The following ATG10 variants were observed in gnomAD, a reference collection of about 807,000 sequenced individuals.
ATG10 encodes the protein autophagy related 10.
Under a neutral mutation model 32.1 loss-of-function variants are expected in ATG10, and 30 were observed. The observed-to-expected ratio is 0.94, with a 90% CI of 0.70 to 1.27. ATG10 has a LOEUF of 1.27. ATG10 is among the 50% of genes most tolerant of loss of function. The pLI is 0.00. For missense variants in ATG10, 233 were observed against 262.3 expected (o/e 0.89, Z 0.77); for synonymous variants, 87 against 91.5 (o/e 0.95, Z 0.28).
intron 5 of ATG10, among the ~76,000 whole-genome samples, chr5:82,225,969 C>T (rs941559717): frequency 6.6e-6 from 1 of 152,098 alleles, no homozygotes; most frequent in Non-Finnish European, 1.5e-5. Flanking sequence ...GTGAGTTATA[C>T]GTATTTAACT....
intron 3 of ATG10, among the ~76,000 whole-genome samples, chr5:82,063,228 C>T (rs1023438712): frequency 1.2e-4 from 18 of 152,088 alleles, no homozygotes; most frequent in African/African-American, 2.9e-4. Flanking sequence ...CTGGGACAGA[C>T]GGATTGCATA....
chr5:82,238,774 A>G (rs887600414), intron 5 of ATG10, among the ~76,000 whole-genome samples: 3 of 152,172 alleles, frequency 2.0e-5, no homozygotes, highest in African/African-American at 7.2e-5. Context: ...AAAAAAACAT[A>G]TGGAGTAACA....
chr5:82,047,797 A>G (rs1425134942), intron 2 of ATG10, among the ~76,000 whole-genome samples: 1 of 152,214 alleles, frequency 6.6e-6, no homozygotes, highest in Non-Finnish European at 1.5e-5. Flanking sequence ...AAAAGGGAGT[A>G]GGAATATTGT....
chr5:82,146,385 T>G (rs1390750873), intron 3 of ATG10, among the ~76,000 whole-genome samples: 1 of 152,132 alleles, frequency 6.6e-6, no homozygotes, highest in Admixed American at 6.5e-5. Context: ...AGTTTGATTA[T>G]GATGTGTATA....
intron 5 of ATG10, among the ~76,000 whole-genome samples, chr5:82,182,198 A>C (rs1400783927): frequency 6.6e-6 from 1 of 152,072 alleles, no homozygotes; most frequent in Admixed American, 6.6e-5. Flanking sequence ...CAGATAAGTA[A>C]TTTTTTCTTA....
chr5:82,210,979 C>T (rs1745471414), intron 5 of ATG10, among the ~76,000 whole-genome samples: 1 of 152,056 alleles, frequency 6.6e-6, no homozygotes, highest in Admixed American at 6.5e-5. Context: ...TCTAAGTTTC[C>T]ATGTAATTTG....
At chr5:82,032,369 A>G (rs1762766214) in intron 2 of ATG10, among the ~76,000 whole-genome samples, 1 of 152,100 alleles carries the variant, frequency 6.6e-6, no homozygotes, top group Non-Finnish European at 1.5e-5. Context: ...AGAAAATGTT[A>G]TATTGCCTGC....
intron 5 of ATG10, among the ~76,000 whole-genome samples, chr5:82,208,362 T>C (rs1000993156): frequency 1.3e-5 from 2 of 152,182 alleles, no homozygotes; most frequent in African/African-American, 4.8e-5. Context: ...GGTATTATAA[T>C]AAGTTGGATC....
intron 3 of ATG10, among the ~76,000 whole-genome samples, chr5:82,123,483 A>T (rs371774473): frequency 6.6e-6 from 1 of 152,016 alleles, no homozygotes; most frequent in African/African-American, 2.4e-5. Flanking sequence ...GTTTATCTAT[A>T]TAACAAAACT....
rs888932284 is a variant in ATG10 at position 81,972,127 on chromosome 5, G to A, written c.-192G>A. 3 of 152,240 alleles carry A rather than the reference G, an allele frequency of 2.0e-5. No homozygotes were observed. Among genetic ancestry groups the A allele is most frequent in the Admixed American group, 6.5e-5 (1 of 15,290 alleles). The allele number at this position is 152,240 out of a possible 1,614,324, so 9.4% of individuals were successfully genotyped here. ...CTTCTGGTTGGCCTCGGGGCGCGCT[G>A]GCTCGGCTCTTCCTCCGCCCTCGAG... On this transcript the variant is annotated 5_prime_UTR_variant, in exon 1 of 8. Transcript: ENST00000282185.
chr5:82,168,738 A>G (rs1743679305), intron 4 of ATG10, among the ~76,000 whole-genome samples: 1 of 152,254 alleles, frequency 6.6e-6, no homozygotes, highest in Non-Finnish European at 1.5e-5. Context: ...CAAAGGCAGC[A>G]TGAATCAAAC....
intron 4 of ATG10, among the ~76,000 whole-genome samples, chr5:82,175,873 TCACA>T (rs753141522): frequency 2.0e-5 from 3 of 151,370 alleles, no homozygotes; most frequent in Admixed American, 6.6e-5. Context: ...TTGTTTATTT[TCACA>T]CACACACACG....
At chr5:82,040,060 T>G (rs1472253251) in intron 2 of ATG10, among the ~76,000 whole-genome samples, 6 of 152,158 alleles carry the variant, frequency 3.9e-5, no homozygotes, top group Non-Finnish European at 7.3e-5. Context: ...CCTACATAGC[T>G]TCTCAGGGCT....
chr5:81,972,770 A>C (rs1299349473), intron 1 of ATG10, among the ~76,000 whole-genome samples: 1 of 151,904 alleles, frequency 6.6e-6, no homozygotes, highest in Non-Finnish European at 1.5e-5. Flanking sequence ...TTTTTTTTAA[A>C]CCTCCCAAAA....
chr5:82,059,610 A>G (rs980365446), intron 3 of ATG10, among the ~76,000 whole-genome samples: 5 of 152,140 alleles, frequency 3.3e-5, no homozygotes, highest in Admixed American at 3.3e-4. Context: ...AAAAGAAGAA[A>G]TCACTAGTGT....
At chr5:82,137,368 G>A (rs1268404285) in intron 3 of ATG10, among the ~76,000 whole-genome samples, 4 of 152,144 alleles carry the variant, frequency 2.6e-5, no homozygotes, top group Admixed American at 2.6e-4. Context: ...TTTGGTCTTT[G>A]CTGTTGGTGA....
At chr5:81,990,112 T>G (rs1561242265) in intron 2 of ATG10, among the ~76,000 whole-genome samples, 1 of 152,208 alleles carries the variant, frequency 6.6e-6, no homozygotes, top group Non-Finnish European at 1.5e-5. Flanking sequence ...TTTGTGATAG[T>G]TCTCTCTATT....
intron 5 of ATG10, among the ~76,000 whole-genome samples, chr5:82,245,089 G>T (rs1427547124): frequency 6.6e-6 from 1 of 152,122 alleles, no homozygotes; most frequent in African/African-American, 2.4e-5. Context: ...TTTACCTCCT[G>T]AATCGATCTA....
Position 82,077,444 on chromosome 5 carries a change from G to A in ATG10, c.216+18842G>A, listed in dbSNP as rs188971263. 1.4e-4 allele frequency among the ~76,000 whole-genome samples: 22 copies of A among 152,242 alleles called. 1 individual carries two copies. Among genetic ancestry groups the A allele is most frequent in the Admixed American group, 7.2e-4 (11 of 15,284 alleles). The stretch of plus-strand genomic sequence containing the variant: ...AATCATGAATAAATGAGAGAAACTA[G>A]CATTTGTAATAATAATATTTTGTGG... On this transcript the variant is annotated intron_variant, in intron 3 of 7. Coordinates refer to ENST00000282185, the MANE Select transcript of ATG10 (RefSeq NM_031482.5).
Sources: allele counts gnomAD v4.1 joint callset (sites outside exome capture counted in the v4.1 genomes callset), GRCh38; gene constraint gnomAD v4.1.1; transcripts MANE v1.5; gene names NCBI Gene and HGNC (gene_info 2026-07-23, HGNC 2026-07-21).